Variants in PBX4 observed in about 807,000 individuals in gnomAD.
PBX4 encodes the protein PBX homeobox 4, also known as pre-B-cell leukemia transcription factor 4.
A neutral mutation model predicts 35.1 loss-of-function variants in PBX4; 26 were observed. That is an observed-to-expected ratio of 0.74 (90% confidence interval 0.54 to 1.03). The LOEUF is 1.03. Ranked by LOEUF, PBX4 falls within the 50% of genes least tolerant of loss-of-function variation. The probability of loss-of-function intolerance (pLI) is 0.00; values close to 1 mark genes in which losing one functional copy is unlikely to be tolerated. For synonymous variants in PBX4, 199 were observed against 204.2 expected (o/e 0.97, Z 0.22); for missense variants, 448 against 504.3 (o/e 0.89, Z 1.07).
intron 2 of PBX4, among the ~76,000 whole-genome samples, chr19:19,580,458 A>G (rs2061447136): frequency 2.0e-5 from 3 of 152,178 alleles, no homozygotes. Context: ...CACTGGCCAC[A>G]GTTCTGCCGG....
At chr19:19,574,033 C>T (rs1429154804) in intron 2 of PBX4, among the ~76,000 whole-genome samples, 1 of 151,944 alleles carries the variant, frequency 6.6e-6, no homozygotes, top group Non-Finnish European at 1.5e-5. Flanking sequence ...CCCAGCCTCA[C>T]ACCCAGATAA....
At chr19:19,567,315 G>C (rs2061348802) in intron 5 of PBX4, among the ~76,000 whole-genome samples, 1 of 152,224 alleles carries the variant, frequency 6.6e-6, no homozygotes, top group African/African-American at 2.4e-5. Flanking sequence ...GATGAGCAAA[G>C]TCATATGTGA....
intron 2 of PBX4, among the ~76,000 whole-genome samples, chr19:19,578,450 C>T (rs2061434155): frequency 1.3e-5 from 2 of 152,248 alleles, no homozygotes; most frequent in Middle Eastern, 3.4e-3. Flanking sequence ...AAGCTCAGTT[C>T]CGGTGACTGT....
intron 2 of PBX4, among the ~76,000 whole-genome samples, chr19:19,590,710 C>G (rs2061523116): frequency 2.0e-5 from 3 of 152,094 alleles, no homozygotes. Context: ...CTCAAATGAT[C>G]CCCCCACCTT....
intron 1 of PBX4, among the ~76,000 whole-genome samples, chr19:19,607,756 TC>T (rs1255873419): frequency 6.6e-6 from 1 of 152,224 alleles, no homozygotes; most frequent in African/African-American, 2.4e-5. Flanking sequence ...TAATTTACTT[TC>T]CCAAATTATA....
At chr19:19,588,263 CAT>C (rs1452992375) in intron 2 of PBX4, 1 of 1,253,680 alleles carries the variant, frequency 8.0e-7, no homozygotes, top group Non-Finnish European at 1.2e-6. Flanking sequence ...CGGTAAGATC[CAT>C]AGTTACATTC....
chr19:19,593,333 G>C (rs1379579323), intron 2 of PBX4, among the ~76,000 whole-genome samples: 2 of 152,244 alleles, frequency 1.3e-5, no homozygotes, highest in Admixed American at 6.5e-5. Context: ...CAGGACCCCG[G>C]CTCATGGGAT....
At chr19:19,589,421 G>A (rs2061512380) in intron 2 of PBX4, among the ~76,000 whole-genome samples, 2 of 151,966 alleles carry the variant, frequency 1.3e-5, no homozygotes, top group South Asian at 2.1e-4. Flanking sequence ...GCAACTGAGC[G>A]AGACTCTGTC....
chr19:19,591,477 T>C (rs2061527537), intron 2 of PBX4, among the ~76,000 whole-genome samples: 1 of 152,254 alleles, frequency 6.6e-6, no homozygotes, highest in African/African-American at 2.4e-5. Flanking sequence ...CTCCTCTGAA[T>C]GGGGCTCTGT....
chr19:19,611,789 G>A (rs907162790), intron 1 of PBX4, among the ~76,000 whole-genome samples: 2 of 151,908 alleles, frequency 1.3e-5, no homozygotes, highest in African/African-American at 4.8e-5. Flanking sequence ...TACATTTTTG[G>A]TTTTAGGTAT....
Position 19,599,348 on chromosome 19 carries a change from C to T in PBX4, c.137G>A (p.Cys46Tyr). The change falls in exon 2 of 8, where the codon TGC becomes TAC. Residue 46 changes from cysteine to tyrosine, a missense_variant. Cys to Tyr is a radical substitution (Grantham distance 194). Transcript: ENST00000251203. Reference sequence around the variant, plus strand: ...GAACAGAGCAGGCTTCATCCGATGGCAATTCAGAGCATGCTTTCTGAAAGG... The same window carrying T: ...GAACAGAGCAGGCTTCATCCGATGGTAATTCAGAGCATGCTTTCTGAAAGG... ...EAQARKHALN[C>Y]HRMKPALFSV... 1 of 1,613,306 alleles carries T rather than the reference C, an allele frequency of 6.2e-7. No individual in the cohort carries two copies. The highest frequency in any genetic ancestry group is 8.5e-7 in the Non-Finnish European group (1 of 1,179,500).
intron 2 of PBX4, among the ~76,000 whole-genome samples, chr19:19,594,957 G>A (rs1180048961): frequency 1.3e-5 from 2 of 152,182 alleles, no homozygotes; most frequent in Non-Finnish European, 2.9e-5. Flanking sequence ...CCTGATCTCA[G>A]GTGGTCCAAC....
chr19:19,561,924 T>G lies in PBX4; in HGVS notation c.*101A>C. 1 of 986,342 alleles carries G rather than the reference T, an allele frequency of 1.0e-6. No homozygotes were observed. The allele number at this position is 986,342 out of a possible 1,614,324, so 61.1% of individuals were successfully genotyped here. A position where few individuals can be genotyped will look rare whatever the true frequency, so the allele number is the denominator to read the frequency against. On this transcript the variant is annotated 3_prime_UTR_variant, in exon 8 of 8. Transcript: ENST00000251203. Reference sequence around the variant, plus strand: ...AGGGGCTCATGGGCACCACCACCCATCTGGGTTTTCTGAGGTCGTCGGCGG... The same window carrying G: ...AGGGGCTCATGGGCACCACCACCCAGCTGGGTTTTCTGAGGTCGTCGGCGG...
intron 1 of PBX4, among the ~76,000 whole-genome samples, chr19:19,609,837 C>G (rs1330781998): frequency 6.6e-6 from 1 of 151,870 alleles, no homozygotes; most frequent in Non-Finnish European, 1.5e-5. Flanking sequence ...GGCGACACAG[C>G]GAGACTCCGT....
intron 6 of PBX4, 150 bp downstream of exon 6, chr19:19,564,783 C>T: frequency 1.0e-6 from 1 of 991,420 alleles, no homozygotes; most frequent in Non-Finnish European, 1.5e-6. Flanking sequence ...CCAAGAGGAA[C>T]AGAACTCTCA....
intron 1 of PBX4, among the ~76,000 whole-genome samples, chr19:19,615,199 T>G (rs1167662726): frequency 1.4e-5 from 2 of 143,146 alleles, no homozygotes; most frequent in Non-Finnish European, 3.0e-5. Context: ...AAAGAAAGAT[T>G]AGCCAGGCGT....
intron 2 of PBX4, among the ~76,000 whole-genome samples, chr19:19,586,761 C>A (rs1437283949): frequency 4.0e-5 from 6 of 151,688 alleles, no homozygotes; most frequent in African/African-American, 1.5e-4. Flanking sequence ...AAAACCCCAT[C>A]TTTACTAAAA....
chr19:19,607,645 G>A (rs2061639301), intron 1 of PBX4, among the ~76,000 whole-genome samples: 1 of 152,192 alleles, frequency 6.6e-6, no homozygotes, highest in East Asian at 1.9e-4. Flanking sequence ...AGTACCATAT[G>A]CTGGTCCTTG....
chr19:19,573,879 G>A lies in PBX4; in HGVS notation c.194-3046C>T, dbSNP rs537535696. 2.3e-4 allele frequency among the ~76,000 whole-genome samples: 35 copies of A among 152,126 alleles called. No individual in the cohort carries two copies. The South Asian group carries it at 5.4e-3, about 23-fold the overall frequency. ...TGAGTAGCTGGGATTACAGGCGCTC[G>A]CCACCATGCCTGGCTAATTTTTGTA... On this transcript the variant is annotated intron_variant, in intron 2 of 7. Transcript: ENST00000251203.
Sources: gnomAD v4.1 joint callset for allele counts (sites outside exome capture counted in the v4.1 genomes callset) on GRCh38, gnomAD v4.1.1 for gene constraint, MANE v1.5 for transcripts, NCBI Gene and HGNC (gene_info 2026-07-23, HGNC 2026-07-21) for gene names.